The following SLC39A12 variants were observed in gnomAD, a reference collection of about 807,000 sequenced individuals.
SLC39A12 encodes the protein zinc transporter ZIP12.
In SLC39A12, 63 loss-of-function variants were observed where a neutral mutation model predicts 71.1. The ratio of observed to expected loss-of-function variants is 0.89; its 90% CI spans 0.72 to 1.09. SLC39A12 has a LOEUF of 1.09. SLC39A12 is among the 50% of genes least tolerant of loss of function. The probability of loss-of-function intolerance (pLI) is 0.00; values close to 1 mark genes in which losing one functional copy is unlikely to be tolerated. For missense variants in SLC39A12, 892 were observed against 812.6 expected (o/e 1.10, Z -1.19); for synonymous variants, 351 against 301.3 (o/e 1.16, Z -1.71).
rs755132108 is a variant in SLC39A12, at chr10:17,965,469, G to C, written c.544-14G>C. Reference sequence around the variant, plus strand: ...GATGTTACAATTTTCTCTTTATTTTGTATCTGATTTCAGTGTATGGAAACC... The same window carrying C: ...GATGTTACAATTTTCTCTTTATTTTCTATCTGATTTCAGTGTATGGAAACC... On this transcript the variant is annotated splice_polypyrimidine_tract_variant and intron_variant, in intron 3 of 12. Coordinates refer to ENST00000377369, the MANE Select transcript of SLC39A12 (RefSeq NM_001145195.2). 1 of 1,610,264 alleles carries C rather than the reference G, an allele frequency of 6.2e-7. No homozygotes were observed.
chr10:17,991,088 T>G, intron 7 of SLC39A12, 63 bp from the exon 8 acceptor site: 3 of 1,439,948 alleles, frequency 2.1e-6, no homozygotes, highest in Non-Finnish European at 2.8e-6. Context: ...TATTTAATAG[T>G]TAAGTCATCA....
intron 9 of SLC39A12, among the ~76,000 whole-genome samples, chr10:17,994,828 A>G (rs1835643996): frequency 6.6e-6 from 1 of 152,154 alleles, no homozygotes; most frequent in African/African-American, 2.4e-5. Context: ...CACAAAATGC[A>G]TTTATCTCAT....
intron 8 of SLC39A12, among the ~76,000 whole-genome samples, chr10:17,992,277 G>A (rs1835574018): frequency 6.6e-6 from 1 of 152,102 alleles, no homozygotes; most frequent in Non-Finnish European, 1.5e-5. Context: ...TAGGATCAAG[G>A]AAGTGGATAG....
intron 12 of SLC39A12, among the ~76,000 whole-genome samples, chr10:18,029,008 C>T (rs1564662473): frequency 6.6e-6 from 1 of 152,086 alleles, no homozygotes; most frequent in Non-Finnish European, 1.5e-5. Flanking sequence ...GCGTGAGCCA[C>T]CACGCCCCAC....
chr10:18,012,817 GA>G (rs1446948777), intron 12 of SLC39A12, among the ~76,000 whole-genome samples: 1 of 137,258 alleles, frequency 7.3e-6, no homozygotes, highest in African/African-American at 2.8e-5. Context: ...AGTAAGCCAA[GA>G]TCGCACCACT....
At position 17,991,205 on chromosome 10, in the gene SLC39A12, A is replaced by T. The variant is rs746183241; in HGVS notation, c.1324A>T (p.Lys442Ter). The T allele has an allele frequency of 4.4e-6, 7 of 1,596,132 alleles. No individual in the cohort carries two copies. Among genetic ancestry groups the T allele is most frequent in the Non-Finnish European group, 6.0e-6 (7 of 1,173,512 alleles). Residue 442 changes from lysine (K) to a stop codon, truncating the protein, a stop_gained, in exon 8 of 13, where the codon AAA becomes TAA. Transcript: ENST00000377369. LOFTEE classifies it high-confidence loss of function. ...AGAATTTGGGCATTTCCATGAAAGC[A>T]AAGGTCATATTTGGAAACTGATGGG... ...APEFGHFHESKGHIWKLMGLI... is the reference protein window; with the variant it reads ...APEFGHFHES
chr10:17,963,063 A>C (rs1834731797), intron 3 of SLC39A12, among the ~76,000 whole-genome samples: 1 of 152,116 alleles, frequency 6.6e-6, no homozygotes, highest in Non-Finnish European at 1.5e-5. Context: ...CAGGAGGCTA[A>C]GGTGGGAGGA....
chr10:17,984,530 A>G (rs1835352768), intron 6 of SLC39A12, among the ~76,000 whole-genome samples: 2 of 152,348 alleles, frequency 1.3e-5, no homozygotes, highest in Admixed American at 6.5e-5. Context: ...CTATTCAAAT[A>G]TCTTTAATTT....
At chr10:18,003,650 G>A in intron 12 of SLC39A12, among the ~76,000 whole-genome samples, 1 of 152,148 alleles carries the variant, frequency 6.6e-6, no homozygotes, top group South Asian at 2.1e-4. Context: ...AGAATGAAAT[G>A]TTCATAATCT....
intron 12 of SLC39A12, among the ~76,000 whole-genome samples, chr10:18,032,368 C>A (rs1486368382): frequency 1.2e-5 from 1 of 83,902 alleles, no homozygotes. Context: ...CCTTCACATC[C>A]CTTGTAAGTT....
rs1835804695 is a variant in SLC39A12 at position 18,000,580 on chromosome 10, AGGTG to A, written c.1601-84_1601-81del. Reference sequence around the variant, plus strand: ...GATGGAATATAAGAATGTCAAGTGTAGGTGGGAAGGTTGGTTGGTTTTGAAGGAT... The same window carrying A: ...GATGGAATATAAGAATGTCAAGTGTAGGAAGGTTGGTTGGTTTTGAAGGAT... On this transcript the variant is annotated intron_variant, in intron 10 of 12. Coordinates refer to ENST00000377369, the MANE Select transcript of SLC39A12 (RefSeq NM_001145195.2). The A allele has an allele frequency of 5.8e-4, 699 of 1,202,464 alleles. 9 individuals are homozygous for A. In the South Asian group the frequency reaches 8.3e-3, roughly 14 times the overall value. 74.5% of individuals were successfully genotyped at this position (1,202,464 alleles called of 1,614,324 possible).
chr10:17,981,530 CAAT>C, intron 6 of SLC39A12, 47 bp downstream of exon 6: 1 of 1,467,546 alleles, frequency 6.8e-7, no homozygotes, highest in Non-Finnish European at 9.3e-7. Flanking sequence ...ACAATGTATG[CAAT>C]AATAATAGTA....
At chr10:18,022,047 A>G (rs1467550954) in intron 12 of SLC39A12, among the ~76,000 whole-genome samples, 3 of 152,048 alleles carry the variant, frequency 2.0e-5, no homozygotes, top group Admixed American at 6.6e-5. Context: ...GCTGCCTTTA[A>G]TATGTTTTCT....
At chr10:18,013,409 C>A (rs1026721394) in intron 12 of SLC39A12, among the ~76,000 whole-genome samples, 1 of 148,368 alleles carries the variant, frequency 6.7e-6, no homozygotes, top group Non-Finnish European at 1.5e-5. Flanking sequence ...GCTGTGTTGC[C>A]CAGGCTGCAG....
intron 12 of SLC39A12, among the ~76,000 whole-genome samples, chr10:18,038,109 T>A (rs72780036): frequency 0.16 from 19,018 of 122,616 alleles, 2,090 homozygotes; most frequent in African/African-American, 0.33. Flanking sequence ...TAAAAAAAAA[T>A]ACAGGAGCCT....
At chr10:18,001,844 G>C (rs1401005938) in intron 11 of SLC39A12, 1 of 151,454 alleles carries the variant, frequency 6.6e-6, no homozygotes, top group East Asian at 1.9e-4. Flanking sequence ...TACTCTTTTA[G>C]TTATTTTTAA....
In SLC39A12 at chr10:18,033,808, A is replaced by G. The variant is rs868071505; in HGVS notation, c.1948-8897A>G. On this transcript the variant is annotated intron_variant, in intron 12 of 12. Transcript: ENST00000377369. ...CATTTAGTGCTATAAATTTCCCTCT[A>G]CACACTGCTTTGAATGCGTCCCAGA... is the stretch of plus-strand genomic sequence containing the variant. Among the ~76,000 whole-genome samples the G allele has an allele frequency of 8.0e-5, 12 of 150,862 alleles. No homozygotes were observed. In the South Asian group the frequency reaches 8.5e-4, roughly 11 times the overall value.
intron 12 of SLC39A12, among the ~76,000 whole-genome samples, chr10:18,027,107 A>T (rs577449697): frequency 1.3e-5 from 2 of 152,350 alleles, no homozygotes; most frequent in South Asian, 4.1e-4. Flanking sequence ...CTGAGTGAAC[A>T]GAATTGTGCT....
At chr10:18,028,538 A>T (rs560248887) in intron 12 of SLC39A12, among the ~76,000 whole-genome samples, 1 of 151,376 alleles carries the variant, frequency 6.6e-6, no homozygotes, top group Non-Finnish European at 1.5e-5. Context: ...TGTTTTGTGG[A>T]TCATCCTTCT....
Sources: gnomAD v4.1 joint callset for allele counts (sites outside exome capture counted in the v4.1 genomes callset) on GRCh38, gnomAD v4.1.1 for gene constraint, MANE v1.5 for transcripts, NCBI Gene and HGNC (gene_info 2026-07-23, HGNC 2026-07-21) for gene names.